Variants in IHO1 observed in about 807,000 individuals in gnomAD.
IHO1 encodes the protein interactor of HORMAD1 1.
IHO1 carries 13 observed loss-of-function variants against 31.0 expected under a neutral mutation model. The observed-to-expected ratio is 0.42, with a 90% CI of 0.27 to 0.67. IHO1 has a LOEUF of 0.67. Ranked by LOEUF, IHO1 falls within the 30% of genes least tolerant of loss-of-function variation. IHO1 has a pLI of 0.24. For synonymous variants in IHO1, 221 were observed against 248.4 expected (o/e 0.89, Z 1.04); for missense variants, 599 against 687.5 (o/e 0.87, Z 1.44).
intron 2 of IHO1, among the ~76,000 whole-genome samples, chr3:49,220,243 TC>T (rs2046337755): frequency 6.6e-6 from 1 of 152,204 alleles, no homozygotes; most frequent in Non-Finnish European, 1.5e-5. Context: ...GAGGGTCCCG[TC>T]CCGGGCCCTG....
intron 3 of IHO1, among the ~76,000 whole-genome samples, chr3:49,238,921 C>T (rs539085704): frequency 1.3e-5 from 2 of 152,300 alleles, no homozygotes; most frequent in Admixed American, 6.5e-5. Flanking sequence ...TCTGGTTTTG[C>T]ACATAGTGTT....
At chr3:49,230,743 C>T (rs1057073052) in intron 2 of IHO1, among the ~76,000 whole-genome samples, 1 of 152,272 alleles carries the variant, frequency 6.6e-6, no homozygotes, top group South Asian at 2.1e-4. Context: ...TGGTAAATGA[C>T]ACTACTATTG....
chr3:49,213,912 T>A (rs999488167), intron 2 of IHO1: 1 of 365,826 alleles, frequency 2.7e-6, no homozygotes, highest in Non-Finnish European at 5.9e-6. Flanking sequence ...GCTGAAGGGC[T>A]CCTCAAGCAT....
At chr3:49,222,768 C>T (rs2046369451) in intron 2 of IHO1, among the ~76,000 whole-genome samples, 1 of 152,034 alleles carries the variant, frequency 6.6e-6, no homozygotes, top group Non-Finnish European at 1.5e-5. Context: ...AGATGCAAGT[C>T]CTCCAATGGT....
rs529762876 is a variant in IHO1 at position 49,232,519 on chromosome 3, C to G, written c.57-4029C>G. 7.2e-5 allele frequency among the ~76,000 whole-genome samples: 11 copies of G among 152,294 alleles called. No individual in the cohort carries two copies. The East Asian group carries it at 1.5e-3, about 21-fold the overall frequency. Reference sequence around the variant, plus strand: ...TGCTTGTGTTTCTCCAAGACGGAATCAACAGCCAATTTGGGTGCCATCAAG... The same window carrying G: ...TGCTTGTGTTTCTCCAAGACGGAATGAACAGCCAATTTGGGTGCCATCAAG... On this transcript the variant is annotated intron_variant, in intron 2 of 7. Coordinates refer to ENST00000452691, the MANE Select transcript of IHO1 (RefSeq NM_001135197.2).
At chr3:49,194,292 G>GTATATATA (rs141683116), upstream of IHO1, among the ~76,000 whole-genome samples, 213 of 120,156 alleles carry the variant, frequency 1.8e-3, 1 homozygote, top group African/African-American at 6.2e-3. Flanking sequence ...AGTACAAAGT[G>GTATATATA]TATATATATA....
At chr3:49,227,481 G>A (rs1295847949) in intron 2 of IHO1, among the ~76,000 whole-genome samples, 2 of 152,112 alleles carry the variant, frequency 1.3e-5, no homozygotes, top group East Asian at 3.9e-4. Context: ...ACTCACCGAC[G>A]CAGCAGCAGA....
chr3:49,214,918 G>T (rs2046269680), intron 2 of IHO1, among the ~76,000 whole-genome samples: 1 of 151,672 alleles, frequency 6.6e-6, no homozygotes, highest in Non-Finnish European at 1.5e-5. Context: ...GGGATTACAG[G>T]CATGAGACAC....
chr3:49,211,678 G>T, intron 1 of IHO1, 88 bp from the exon 2 acceptor site: 1 of 518,378 alleles, frequency 1.9e-6, no homozygotes, highest in Non-Finnish European at 3.5e-6. Flanking sequence ...CTGCTGGAAT[G>T]TCTTCGTGTA....
rs978106195 is a variant in IHO1 at position 49,257,328 on chromosome 3, C to T, written c.*46C>T. The stretch of plus-strand genomic sequence containing the variant: ...TGGTCTCAGCTAGAAAGAGAAATTG[C>T]AGGACATTTGGGCTGGCCAACAGCA... On this transcript the variant is annotated 3_prime_UTR_variant, in exon 8 of 8. Transcript: ENST00000452691. The T allele has an allele frequency of 6.4e-7, 1 of 1,562,634 alleles. No homozygotes were observed. Among genetic ancestry groups the T allele is most frequent in the Non-Finnish European group, 8.7e-7 (1 of 1,146,994 alleles).
At chr3:49,230,726 G>A (rs1220104921) in intron 2 of IHO1, among the ~76,000 whole-genome samples, 2 of 152,080 alleles carry the variant, frequency 1.3e-5, no homozygotes, top group African/African-American at 2.4e-5. Context: ...CTCCTACTTG[G>A]CGACCTTGGT....
chr3:49,225,236 C>T (rs1016124072), intron 2 of IHO1, among the ~76,000 whole-genome samples: 6 of 152,086 alleles, frequency 3.9e-5, no homozygotes, highest in African/African-American at 9.7e-5. Flanking sequence ...GAGGCTGAGG[C>T]GGGCAGATCA....
chr3:49,235,327 T>C (rs1030739743), intron 2 of IHO1, among the ~76,000 whole-genome samples: 3 of 150,112 alleles, frequency 2.0e-5, no homozygotes, highest in Non-Finnish European at 4.4e-5. Flanking sequence ...CCTGGGTTCA[T>C]GCCATTCTCC....
intron 2 of IHO1, among the ~76,000 whole-genome samples, chr3:49,235,973 G>GCTCA (rs1490378553): frequency 2.7e-5 from 4 of 150,690 alleles, no homozygotes; most frequent in Non-Finnish European, 4.4e-5. Context: ...CTGCACGGTG[G>GCTCA]CTCACACCTG....
chr3:49,239,374 C>T (rs746908658), intron 3 of IHO1, among the ~76,000 whole-genome samples: 15 of 151,534 alleles, frequency 9.9e-5, no homozygotes, highest in East Asian at 1.9e-4. Context: ...CTCTGCCTCC[C>T]GGGTTCAAGC....
At chr3:49,222,267 G>T (rs2046363211) in intron 2 of IHO1, among the ~76,000 whole-genome samples, 1 of 152,212 alleles carries the variant, frequency 6.6e-6, no homozygotes, top group Non-Finnish European at 1.5e-5. Flanking sequence ...AAAGCCAACA[G>T]TCATTTGCCA....
chr3:49,252,810 C>G (rs908203606), intron 6 of IHO1, among the ~76,000 whole-genome samples: 1 of 149,910 alleles, frequency 6.7e-6, no homozygotes, highest in Non-Finnish European at 1.5e-5. Context: ...TTTGGGAGGC[C>G]GAGGTGGGCG....
At chr3:49,202,159 C>A (rs1253182941) in intron 1 of IHO1, among the ~76,000 whole-genome samples, 1 of 151,528 alleles carries the variant, frequency 6.6e-6, no homozygotes, top group Non-Finnish European at 1.5e-5. Context: ...TCTGTAGAGA[C>A]AGAAAAGACA....
intron 2 of IHO1, among the ~76,000 whole-genome samples, chr3:49,222,819 C>T (rs1327119638): frequency 1.3e-5 from 2 of 152,076 alleles, no homozygotes; most frequent in African/African-American, 2.4e-5. Flanking sequence ...TCTTGGGACT[C>T]CTGAACTGAC....
Sources: gnomAD v4.1 joint callset for allele counts (sites outside exome capture counted in the v4.1 genomes callset) on GRCh38, gnomAD v4.1.1 for gene constraint, MANE v1.5 for transcripts, NCBI Gene and HGNC (gene_info 2026-07-23, HGNC 2026-07-21) for gene names.